The following RAF1 variants were observed in gnomAD, a reference collection of about 807,000 sequenced individuals.
RAF1 encodes the protein Raf-1 proto-oncogene, serine/threonine kinase.
A neutral mutation model predicts 81.1 loss-of-function variants in RAF1; 27 were observed. The ratio of observed to expected loss-of-function variants is 0.33; its 90% CI spans 0.25 to 0.46. The LOEUF is 0.46. RAF1 is among the 20% of genes least tolerant of loss of function. The pLI, the probability that RAF1 is intolerant of heterozygous loss-of-function variation, is 1.00. For synonymous variants in RAF1, 298 were observed against 294.0 expected, an observed-to-expected ratio of 1.01 and a Z score of -0.14; for missense variants, 598 against 826.0, an observed-to-expected ratio of 0.72 and a Z score of 3.38.
At chr3:12,619,018 G>C (rs1223752821) in intron 1 of RAF1, among the ~76,000 whole-genome samples, 1 of 144,934 alleles carries the variant, frequency 6.9e-6, no homozygotes. Flanking sequence ...GGCCGAGGTG[G>C]GTGCATCACG....
intron 1 of RAF1, among the ~76,000 whole-genome samples, chr3:12,639,949 T>C (rs924853116): frequency 2.4e-4 from 36 of 152,218 alleles, no homozygotes; most frequent in African/African-American, 3.4e-4. Context: ...GGAGGCATCA[T>C]GCTACCTGAC....
intron 7 of RAF1, chr3:12,603,587 T>C: frequency 2.9e-6 from 2 of 683,012 alleles, no homozygotes; most frequent in East Asian, 2.7e-5. Context: ...AAAGGAAGTA[T>C]TTAAGTGTAT....
At chr3:12,592,183 T>A (rs1034114324) in intron 11 of RAF1, 3 of 343,848 alleles carry the variant, frequency 8.7e-6, no homozygotes, top group Non-Finnish European at 1.1e-5. Context: ...AGAGGTGAGG[T>A]CATGTGTGAC....
intron 11 of RAF1, chr3:12,592,022 C>T (rs995430549): frequency 3.6e-6 from 2 of 563,070 alleles, no homozygotes; most frequent in African/African-American, 3.8e-5. Flanking sequence ...AAGCAATCCT[C>T]CCACCTTGGC....
Position 12,606,205 on chromosome 3 carries a change from C to A in RAF1, c.676G>T (p.Val226Phe). The A allele has an allele frequency of 6.2e-7, 1 of 1,612,682 alleles. No homozygotes were observed. Among genetic ancestry groups the A allele is most frequent in the Non-Finnish European group, 8.5e-7 (1 of 1,178,706 alleles). ...AAGCTATAGGTAAAAAATTACCTAA[C>A]AGGCATCCTGGAAACAGACTCTCGC... is the stretch of plus-strand genomic sequence containing the variant. The change falls in exon 6 of 18, where the codon GTT becomes TTT. Residue 226 changes from valine to phenylalanine, a missense_variant. Val to Phe is a conservative substitution (Grantham distance 50). This residue lies in a region of RAF1 where 194 missense variants were observed against 202.7 expected (regional missense o/e 0.96). Transcript: ENST00000442415.
At chr3:12,627,923 C>A (rs772495262) in intron 1 of RAF1, among the ~76,000 whole-genome samples, 1 of 152,198 alleles carries the variant, frequency 6.6e-6, no homozygotes, top group Non-Finnish European at 1.5e-5. Context: ...AGGTTGAGAC[C>A]CGCCTGGCCC....
intron 1 of RAF1, among the ~76,000 whole-genome samples, chr3:12,647,466 ATG>A (rs994293185): frequency 1.0e-5 from 1 of 95,432 alleles, no homozygotes; most frequent in Non-Finnish European, 2.2e-5. Context: ...GGTGTAGCAC[ATG>A]TGTAGTCCCA....
intron 2 of RAF1, among the ~76,000 whole-genome samples, chr3:12,613,468 C>T (rs1404954380): frequency 7.1e-6 from 1 of 140,114 alleles, no homozygotes; most frequent in African/African-American, 2.6e-5. Flanking sequence ...ATGCATATAT[C>T]TACCTATGTG....
chr3:12,599,168 T>A (rs1406399751), intron 11 of RAF1: 1 of 157,744 alleles, frequency 6.3e-6, no homozygotes, highest in Non-Finnish European at 1.4e-5. Flanking sequence ...ATATTCCACA[T>A]AGATTCAAGA....
At chr3:12,637,058 C>T (rs546103105) in intron 1 of RAF1, among the ~76,000 whole-genome samples, 33 of 152,098 alleles carry the variant, frequency 2.2e-4, no homozygotes, top group Non-Finnish European at 3.8e-4. Flanking sequence ...ATATAAAGTA[C>T]CTAATTTAGA....
At chr3:12,622,947 G>A (rs1251926070) in intron 1 of RAF1, among the ~76,000 whole-genome samples, 2 of 152,142 alleles carry the variant, frequency 1.3e-5, no homozygotes, top group Non-Finnish European at 2.9e-5. Context: ...AGGACAGCTT[G>A]AGGCCAAGAG....
At chr3:12,656,228 T>A (rs2060689417) in intron 1 of RAF1, among the ~76,000 whole-genome samples, 1 of 151,452 alleles carries the variant, frequency 6.6e-6, no homozygotes, top group Admixed American at 6.6e-5. Flanking sequence ...TAGAAGATTA[T>A]CATTTATCCC....
chr3:12,610,495 A>G (rs1002556563), intron 3 of RAF1, among the ~76,000 whole-genome samples: 2 of 152,176 alleles, frequency 1.3e-5, no homozygotes, highest in Non-Finnish European at 2.9e-5. Flanking sequence ...CTTGGATGAG[A>G]GTAGACCAAG....
chr3:12,640,080 C>T (rs2060138633), intron 1 of RAF1, among the ~76,000 whole-genome samples: 1 of 152,304 alleles, frequency 6.6e-6, no homozygotes, highest in South Asian at 2.1e-4. Context: ...CTACAACTAT[C>T]TGATCTTTGA....
At chr3:12,606,164 T>TA in intron 6 of RAF1, 37 bp downstream of exon 6, 3 of 1,521,878 alleles carry the variant, frequency 2.0e-6, no homozygotes, top group South Asian at 2.2e-5. Flanking sequence ...CCACCCCAAA[T>TA]AACTTTCTAA....
intron 1 of RAF1, among the ~76,000 whole-genome samples, chr3:12,644,537 A>G (rs1345970393): frequency 6.6e-6 from 1 of 152,186 alleles, no homozygotes; most frequent in Non-Finnish European, 1.5e-5. Context: ...GAGAGTCAAG[A>G]AGCAGCTGGA....
chr3:12,644,627 A>G (rs2060289389), intron 1 of RAF1, among the ~76,000 whole-genome samples: 1 of 152,208 alleles, frequency 6.6e-6, no homozygotes, highest in African/African-American at 2.4e-5. Flanking sequence ...TAGCAGTCAA[A>G]TCTTCCTATT....
At chr3:12,643,524 T>C (rs941884828) in intron 1 of RAF1, among the ~76,000 whole-genome samples, 1 of 152,134 alleles carries the variant, frequency 6.6e-6, no homozygotes, top group Non-Finnish European at 1.5e-5. Context: ...GTGGATCACC[T>C]GAGGTCAGTA....
In RAF1 at chr3:12,642,246, C is replaced by T. The variant is rs181120643; in HGVS notation, c.-27+21567G>A. Among the ~76,000 whole-genome samples, 14 of 150,906 alleles carry T rather than the reference C, an allele frequency of 9.3e-5. No individual in the cohort carries two copies. In the East Asian group the frequency reaches 1.9e-3, roughly 21 times the overall value. On this transcript the variant is annotated intron_variant, in intron 1 of 17. Coordinates refer to ENST00000442415, the MANE Select transcript of RAF1 (RefSeq NM_001354689.3). ...CGGGTGGATCATGAGGTCAAGAGAT[C>T]GAGACCATCCTGGCTAACACGGTGA...
Sources: gnomAD v4.1 joint callset for allele counts (sites outside exome capture counted in the v4.1 genomes callset) on GRCh38, gnomAD v4.1.1 for gene constraint, gnomAD v4.1.1 regional missense constraint, MANE v1.5 for transcripts, NCBI Gene and HGNC (gene_info 2026-07-23, HGNC 2026-07-21) for gene names.